Variants in POLQ observed in about 807,000 individuals in gnomAD.
POLQ encodes the protein epididymis secretory sperm binding protein.
In POLQ, 233 loss-of-function variants were observed where a neutral mutation model predicts 259.2. The observed-to-expected ratio is 0.90, with a 90% CI of 0.81 to 1.00. The LOEUF (loss-of-function observed/expected upper bound fraction) is 1.00, where lower values mean the gene tolerates loss of function less well. Ranked by LOEUF, POLQ falls within the 50% of genes least tolerant of loss-of-function variation. The pLI, the probability that POLQ is intolerant of heterozygous loss-of-function variation, is 0.00. For missense variants in POLQ, 2,871 were observed against 3,051.6 expected (o/e 0.94, Z 1.39); for synonymous variants, 1,025 against 1,048.8 (o/e 0.98, Z 0.44).
rs1454844019 is a variant in POLQ at position 121,496,823 on chromosome 3, C to G, written c.2263G>C (p.Ala755Pro). ...RGQIQSLQQS[A>P]AVYAGMITVF... ...TTTAACTGACCTGCATAAACAGCAG[C>G]TGACTGTTGCAAAGATTGAATCTGC... The change falls in exon 14 of 30, where the codon GCT (alanine) becomes CCT (proline). Residue 755 changes from alanine (A) to proline (P), a missense_variant. By Grantham distance (27) the Ala-to-Pro change is conservative. Transcript: ENST00000264233. 6.2e-7 allele frequency: 1 copy of G among 1,612,866 alleles called. No homozygotes were observed. Among genetic ancestry groups the G allele is most frequent in the African/African-American group, 1.3e-5 (1 of 74,878 alleles).
chr3:121,494,920 T>G, intron 14 of POLQ: 3 of 1,176,340 alleles, frequency 2.6e-6, no homozygotes, highest in Non-Finnish European at 3.7e-6. Flanking sequence ...TGTACACTGT[T>G]GAGTTTTCTG....
intron 28 of POLQ, among the ~76,000 whole-genome samples, chr3:121,434,435 A>G (rs74614941): frequency 0.014 from 2,162 of 152,294 alleles, 48 homozygotes; most frequent in African/African-American, 0.049. Flanking sequence ...TAGAACTTAA[A>G]TTTAAAGATA....
chr3:121,545,495 T>C (rs1470654396), intron 1 of POLQ, among the ~76,000 whole-genome samples: 1 of 152,116 alleles, frequency 6.6e-6, no homozygotes, highest in Non-Finnish European at 1.5e-5. Flanking sequence ...GGTCGAAAGA[T>C]CCAGAAGCCA....
chr3:121,541,464 C>T lies in POLQ; in HGVS notation c.359G>A (p.Gly120Glu). Residue 120 changes from glycine (G) to glutamate (E), a missense_variant, in exon 3 of 30, where the codon GGG becomes GAG. Transcript: ENST00000264233. ...NLVYSAPTSA[G>E]KTLVAELLIL... is the part of the protein sequence containing the mutation. ...AAGTAATTCTGCCACAAGAGTCTTC[C>T]CAGCACTTGTAGGAGCTAAAACATG... 1 of 1,604,382 alleles carries T rather than the reference C, an allele frequency of 6.2e-7. No homozygotes were observed. The highest frequency in any genetic ancestry group is 8.5e-7 in the Non-Finnish European group (1 of 1,176,606).
chr3:121,525,169 G>A (rs957959180), intron 7 of POLQ, among the ~76,000 whole-genome samples: 4 of 151,892 alleles, frequency 2.6e-5, no homozygotes, highest in South Asian at 2.1e-4. Context: ...GTGAAACCCC[G>A]TCTCTACTAA....
At chr3:121,504,877 A>C (rs2048197417) in intron 12 of POLQ, among the ~76,000 whole-genome samples, 1 of 151,964 alleles carries the variant, frequency 6.6e-6, no homozygotes, top group African/African-American at 2.4e-5. Context: ...ATGAGTTAAG[A>C]CTCCGGGGGA....
rs1304057021 is a variant in POLQ, at chr3:121,467,651, A to T, written c.6846-11T>A. ...TTCTTATATTTTCCTCTGTGGTGCA[A>T]ACAACATCATCAGTTAGACATGAAG... On this transcript the variant is annotated splice_polypyrimidine_tract_variant and intron_variant, in intron 23 of 29. Coordinates refer to ENST00000264233, the MANE Select transcript of POLQ (RefSeq NM_199420.4). 1 of 1,612,790 alleles carries T rather than the reference A, an allele frequency of 6.2e-7. No individual in the cohort carries two copies. Among genetic ancestry groups the T allele is most frequent in the Non-Finnish European group, 8.5e-7 (1 of 1,179,244 alleles).
At chr3:121,448,989 A>G (rs533067223) in intron 26 of POLQ, among the ~76,000 whole-genome samples, 7 of 152,322 alleles carry the variant, frequency 4.6e-5, no homozygotes, top group Admixed American at 2.0e-4. Context: ...AGTTCCTAGT[A>G]TATATACTCA....
intron 15 of POLQ, 122 bp from the exon 16 acceptor site, chr3:121,490,530 A>C: frequency 1.3e-6 from 1 of 786,040 alleles, no homozygotes. Context: ...AAGAGAGAGA[A>C]ATGTATCTGC....
rs144875519 is a variant in POLQ at position 121,488,993 on chromosome 3, A to G, written c.3938T>C (p.Leu1313Ser). The change falls in exon 16 of 30, where the codon TTA becomes TCA. Residue 1313 changes from leucine to serine, a missense_variant. This residue lies in a region of POLQ where 2,080 missense variants were observed against 2,126.0 expected (regional missense o/e 0.98). Coordinates refer to ENST00000264233, the MANE Select transcript of POLQ (RefSeq NM_199420.4). ...TKNNHVSDLG[L>S]VLCDFEDSFY... ...ACTATCTTCAAAATCACAGAGGACT[A>G]AACCTAAGTCAGAAACATGATTATT... The G allele has an allele frequency of 2.8e-5, 45 of 1,613,114 alleles. No individual in the cohort carries two copies. The African/African-American group carries it at 3.3e-4, about 12-fold the overall frequency.
At position 121,496,852 on chromosome 3, in the gene POLQ, C is replaced by A. The variant is rs779118394; in HGVS notation, c.2234G>T (p.Arg745Leu). 1 of 1,613,864 alleles carries A rather than the reference C, an allele frequency of 6.2e-7. No individual in the cohort carries two copies. Among genetic ancestry groups the A allele is most frequent in the Non-Finnish European group, 8.5e-7 (1 of 1,179,900 alleles). ...REINQKYGCN[R>L]GQIQSLQQSA... ...CTGTTGCAAAGATTGAATCTGCCCA[C>A]GATTGCATCCATATTTCTGATTTAT... Residue 745 changes from arginine to leucine, a missense_variant, in exon 14 of 30, where the codon CGT becomes CTT. By Grantham distance (102) the Arg-to-Leu change is moderately radical. Coordinates refer to ENST00000264233, the MANE Select transcript of POLQ (RefSeq NM_199420.4).
intron 25 of POLQ, among the ~76,000 whole-genome samples, chr3:121,451,959 T>G (rs900702786): frequency 6.6e-6 from 1 of 152,232 alleles, no homozygotes; most frequent in African/African-American, 2.4e-5. Flanking sequence ...CTGGCCTCTT[T>G]GTTTACCTAC....
intron 25 of POLQ, among the ~76,000 whole-genome samples, chr3:121,451,732 GTCAGGGACC>G (rs1241953453): frequency 1.3e-5 from 2 of 152,162 alleles, no homozygotes; most frequent in African/African-American, 2.4e-5. Flanking sequence ...CTACTTGGGG[GTCAGGGACC>G]CACTTGAGGG....
chr3:121,442,249 G>A lies in POLQ; in HGVS notation c.7265-2133C>T, dbSNP rs2108774926. ...CATGCAATGCATAATAATCACATGA[G>A]GGAAAATGGGGTACCCATCACCTCA... is the stretch of plus-strand genomic sequence containing the variant. On this transcript the variant is annotated intron_variant, in intron 26 of 29. Transcript: ENST00000264233. Among the ~76,000 whole-genome samples the A allele has an allele frequency of 1.3e-5, 2 of 152,232 alleles. 1 individual carries two copies. Among genetic ancestry groups the A allele is most frequent in the East Asian group, 3.9e-4 (2 of 5,186 alleles).
chr3:121,525,016 C>T (rs916877219), intron 7 of POLQ, among the ~76,000 whole-genome samples: 35 of 152,012 alleles, frequency 2.3e-4, no homozygotes, highest in African/African-American at 8.2e-4. Flanking sequence ...CAGAAACCCC[C>T]AGTCAAAAAT....
chr3:121,508,016 A>ATTTTTTTTT (rs4048669), intron 12 of POLQ, among the ~76,000 whole-genome samples: 5 of 129,646 alleles, frequency 3.9e-5, no homozygotes, highest in Non-Finnish European at 4.7e-5. Flanking sequence ...ACCATACACA[A>ATTTTTTTTT]TTTTTTTTTT....
chr3:121,489,919 A>G lies in POLQ; in HGVS notation c.3012T>C (p.Ser1004=). 2 of 1,588,632 alleles carry G rather than the reference A, an allele frequency of 1.3e-6. No individual in the cohort carries two copies. The highest frequency in any genetic ancestry group is 1.7e-6 in the Non-Finnish European group (2 of 1,173,348). The change falls in exon 16 of 30, where the codon TCT becomes TCC. Residue 1004 remains serine (S), a synonymous_variant. Transcript: ENST00000264233. ...LDINKEKPGA[S]QNEGKTSDKK... is the part of the protein sequence containing the mutation. ...TATCACTTGTTTTCCCCTCATTCTG[A>G]GAGGCTCCTGGCTTCTCTTTATTTA...
In POLQ at chr3:121,489,265, T is replaced by G. The variant is rs762798158; in HGVS notation, c.3666A>C (p.Ala1222=). The G allele has an allele frequency of 6.2e-7, 1 of 1,613,722 alleles. No homozygotes were observed. The change falls in exon 16 of 30, where the codon GCA becomes GCC. Residue 1222 remains alanine (A), a synonymous_variant. Transcript: ENST00000264233. ...AGTCTCTATTTATGTAACTACTGACTGCTTCACAGGGCATTTGTCTCTCTA... is the reference window on the plus strand; with the variant it reads ...AGTCTCTATTTATGTAACTACTGACGGCTTCACAGGGCATTTGTCTCTCTA... ...NIIERQMPCE[A]VSSYINRDSN...
At chr3:121,440,889 G>A (rs1025729171) in intron 26 of POLQ, among the ~76,000 whole-genome samples, 18 of 151,780 alleles carry the variant, frequency 1.2e-4, no homozygotes, top group Non-Finnish European at 2.2e-4. Context: ...CATGAGTTAC[G>A]ATAAATATTT....
Sources: gnomAD v4.1 joint callset for allele counts (sites outside exome capture counted in the v4.1 genomes callset) on GRCh38, gnomAD v4.1.1 for gene constraint, gnomAD v4.1.1 regional missense constraint, MANE v1.5 for transcripts, NCBI Gene and HGNC (gene_info 2026-07-23, HGNC 2026-07-21) for gene names.